Variants in RALYL observed in about 807,000 individuals in gnomAD.
The protein encoded by RALYL is RALY RNA binding protein like, also known as RNA-binding Raly-like protein.
A neutral mutation model predicts 35.1 loss-of-function variants in RALYL; 29 were observed. That is an observed-to-expected ratio of 0.83 (90% CI 0.61 to 1.13). The LOEUF is 1.13. Among genes scored for constraint, RALYL ranks in the 50% most tolerant of loss-of-function variants. The probability of loss-of-function intolerance (pLI) is 0.00; values close to 1 mark genes in which losing one functional copy is unlikely to be tolerated. For synonymous variants in RALYL, 120 were observed against 127.6 expected, an observed-to-expected ratio of 0.94 and a Z score of 0.40; for missense variants, 359 against 360.4, an observed-to-expected ratio of 1.00 and a Z score of 0.03.
chr8:84,198,232 C>T lies in RALYL; in HGVS notation c.-24+13808C>T, dbSNP rs541054670. ...CGTAACTGCTAAGAGCATATGTGTA[C>T]TGAAATGATAATTTGTCTTAACAGT... On this transcript the variant is annotated intron_variant, in intron 1 of 8. Transcript: ENST00000521268. Among the ~76,000 whole-genome samples the T allele has an allele frequency of 5.3e-5, 8 of 152,314 alleles. 1 individual carries two copies. The South Asian group carries it at 1.7e-3, about 32-fold the overall frequency.
chr8:84,509,853 C>G (rs1424136687), intron 1 of RALYL, among the ~76,000 whole-genome samples: 3 of 152,102 alleles, frequency 2.0e-5, no homozygotes, highest in East Asian at 3.9e-4. Context: ...TTTCTGAGCT[C>G]TCTATTCTGT....
At chr8:84,808,103 C>T (rs1825084733) in intron 4 of RALYL, among the ~76,000 whole-genome samples, 1 of 151,996 alleles carries the variant, frequency 6.6e-6, no homozygotes, top group Non-Finnish European at 1.5e-5. Flanking sequence ...AGCATTTTTC[C>T]AATGTTATCT....
intron 1 of RALYL, among the ~76,000 whole-genome samples, chr8:84,490,231 ATTAAAAAATT>A (rs1370019186): frequency 2.0e-5 from 3 of 151,884 alleles, no homozygotes; most frequent in African/African-American, 7.3e-5. Context: ...CACCCTGCCC[ATTAAAAAATT>A]TTCTAAATTT....
At chr8:84,558,176 G>A (rs955343285) in intron 2 of RALYL, among the ~76,000 whole-genome samples, 5 of 152,104 alleles carry the variant, frequency 3.3e-5, no homozygotes, top group Non-Finnish European at 7.4e-5. Context: ...ACTGGGGTTA[G>A]CAAGAATTGT....
chr8:84,889,969 G>A (rs891999002), intron 8 of RALYL, among the ~76,000 whole-genome samples: 1 of 152,124 alleles, frequency 6.6e-6, no homozygotes, highest in Admixed American at 6.6e-5. Context: ...ATCTAAACTG[G>A]TTTTCTTGCT....
chr8:84,208,143 A>G (rs903491461), intron 1 of RALYL, among the ~76,000 whole-genome samples: 6 of 152,158 alleles, frequency 3.9e-5, no homozygotes, highest in African/African-American at 4.8e-5. Flanking sequence ...ATGATACTCT[A>G]TAAGTAACAC....
At chr8:84,707,705 CTAA>C (rs1841456561) in intron 2 of RALYL, among the ~76,000 whole-genome samples, 1 of 151,978 alleles carries the variant, frequency 6.6e-6, no homozygotes, top group South Asian at 2.1e-4. Context: ...TTTCTATATT[CTAA>C]TAATATAAAA....
At chr8:84,848,437 G>GTATATATA (rs34063344) in intron 4 of RALYL, among the ~76,000 whole-genome samples, 2 of 148,514 alleles carry the variant, frequency 1.3e-5, no homozygotes, top group East Asian at 2.0e-4. Context: ...GTGTGTGTGT[G>GTATATATA]TATATATATA....
At chr8:84,590,012 C>T (rs900889973) in intron 2 of RALYL, among the ~76,000 whole-genome samples, 5 of 152,186 alleles carry the variant, frequency 3.3e-5, no homozygotes, top group African/African-American at 1.2e-4. Context: ...CATATATTAT[C>T]ATTGATAACA....
At chr8:84,588,229 A>G (rs774443153) in intron 2 of RALYL, among the ~76,000 whole-genome samples, 17 of 152,282 alleles carry the variant, frequency 1.1e-4, no homozygotes, top group African/African-American at 3.8e-4. Context: ...TAAGGAATGT[A>G]CATGGACATC....
intron 1 of RALYL, among the ~76,000 whole-genome samples, chr8:84,328,585 ATTATAGAGTT>A (rs947035482): frequency 1.3e-5 from 2 of 152,180 alleles, no homozygotes; most frequent in African/African-American, 4.8e-5. Flanking sequence ...CTCCCAGCTT[ATTATAGAGTT>A]TTAATTTAAT....
At chr8:84,805,560 T>G (rs13281083) in intron 4 of RALYL, among the ~76,000 whole-genome samples, 99,270 of 151,918 alleles carry the variant, frequency 0.65, 33,595 homozygotes, top group East Asian at 0.88. Flanking sequence ...GGCACACACC[T>G]GTAATCCCAG....
intron 1 of RALYL, among the ~76,000 whole-genome samples, chr8:84,369,281 C>T (rs1855190404): frequency 6.6e-6 from 1 of 151,892 alleles, no homozygotes; most frequent in African/African-American, 2.4e-5. Flanking sequence ...TCAAACTTAA[C>T]AATTACAGTG....
chr8:84,275,454 T>G (rs759120103), intron 1 of RALYL, among the ~76,000 whole-genome samples: 2 of 151,592 alleles, frequency 1.3e-5, no homozygotes, highest in African/African-American at 2.4e-5. Context: ...TTATGTATTA[T>G]GTACAGCATG....
intron 1 of RALYL, among the ~76,000 whole-genome samples, chr8:84,220,223 G>C (rs1032576859): frequency 1.3e-5 from 2 of 151,954 alleles, no homozygotes; most frequent in Non-Finnish European, 2.9e-5. Flanking sequence ...ACAATTATGG[G>C]ATCTTAAGTT....
At chr8:84,596,917 G>A (rs1369873590) in intron 2 of RALYL, among the ~76,000 whole-genome samples, 1 of 152,088 alleles carries the variant, frequency 6.6e-6, no homozygotes, top group Non-Finnish European at 1.5e-5. Flanking sequence ...AGCAGAAAGG[G>A]GGAGGCTGGT....
At chr8:84,543,687 G>A (rs1455313931) in intron 2 of RALYL, among the ~76,000 whole-genome samples, 1 of 151,900 alleles carries the variant, frequency 6.6e-6, no homozygotes, top group Non-Finnish European at 1.5e-5. Flanking sequence ...CCATATTTAT[G>A]TTGGTTTCTG....
intron 7 of RALYL, 139 bp from the exon 8 acceptor site, chr8:84,887,465 A>C (rs1007936016): frequency 1.8e-4 from 104 of 584,252 alleles, no homozygotes; most frequent in Admixed American, 2.6e-4. Flanking sequence ...ATTCAACTTA[A>C]AGCATAATAT....
chr8:84,908,471 C>A (rs1846913379), intron 8 of RALYL, among the ~76,000 whole-genome samples: 1 of 152,132 alleles, frequency 6.6e-6, no homozygotes, highest in Admixed American at 6.6e-5. Flanking sequence ...CTGTGCCTGG[C>A]TTATTTCATT....
Sources: gnomAD v4.1 joint callset for allele counts (sites outside exome capture counted in the v4.1 genomes callset) on GRCh38, gnomAD v4.1.1 for gene constraint, MANE v1.5 for transcripts, NCBI Gene and HGNC (gene_info 2026-07-23, HGNC 2026-07-21) for gene names.